The following EIF4B variants were observed in gnomAD, a reference collection of about 807,000 sequenced individuals.
EIF4B encodes the protein eukaryotic translation initiation factor 4B.
Under a neutral mutation model 79.3 loss-of-function variants are expected in EIF4B, and 8 were observed. The ratio of observed to expected loss-of-function variants is 0.10; its 90% CI spans 0.06 to 0.18. The LOEUF (loss-of-function observed/expected upper bound fraction) is 0.18, where lower values mean the gene tolerates loss of function less well. Among genes scored for constraint, EIF4B ranks in the 10% least tolerant of loss-of-function variants. The pLI, the probability that EIF4B is intolerant of heterozygous loss-of-function variation, is 1.00. For synonymous variants in EIF4B, 238 were observed against 274.7 expected, an observed-to-expected ratio of 0.87 and a Z score of 1.32; for missense variants, 515 against 792.4, an observed-to-expected ratio of 0.65 and a Z score of 4.20.
At chr12:53,013,243 A>G (rs1212536489) in intron 1 of EIF4B, among the ~76,000 whole-genome samples, 2 of 152,184 alleles carry the variant, frequency 1.3e-5, no homozygotes, top group South Asian at 4.1e-4. Context: ...CTTTTGTTGA[A>G]CTTGACCTTA....
chr12:53,038,050 G>A (rs1943568182), intron 11 of EIF4B: 1 of 278,844 alleles, frequency 3.6e-6, no homozygotes, highest in South Asian at 4.9e-5. Context: ...TTGAACCTGA[G>A]AGCGGAGGTT....
intron 8 of EIF4B, among the ~76,000 whole-genome samples, chr12:53,031,553 A>AG (rs1592225448): frequency 6.6e-6 from 1 of 152,362 alleles, no homozygotes; most frequent in East Asian, 1.9e-4. Flanking sequence ...CTGGGATTAC[A>AG]GGCGTGAGCC....
chr12:53,019,437 A>ATATATTTTTTTTCTTCT (rs1943205076), intron 3 of EIF4B, among the ~76,000 whole-genome samples: 1 of 51,008 alleles, frequency 2.0e-5, no homozygotes, highest in African/African-American at 6.6e-5. Context: ...ATATATATAT[A>ATATATTTTTTTTCTTCT]TTTTTTTTTT....
chr12:53,010,061 AG>A (rs1242544443), intron 1 of EIF4B, among the ~76,000 whole-genome samples: 3 of 152,230 alleles, frequency 2.0e-5, no homozygotes, highest in African/African-American at 7.2e-5. Flanking sequence ...TACCAAATCA[AG>A]AAGTTTAACT....
chr12:53,021,622 T>C (rs1943247938), intron 4 of EIF4B, 184 bp from the exon 5 acceptor site: 1 of 702,544 alleles, frequency 1.4e-6, no homozygotes, highest in South Asian at 1.6e-5. Flanking sequence ...CAGCTTAAAT[T>C]TGTTTAACTT....
In EIF4B at chr12:53,031,846, C is replaced by T. The variant is rs923007456; in HGVS notation, c.980-1960C>T. On this transcript the variant is annotated intron_variant, in intron 8 of 14. Transcript: ENST00000262056. ...ATTTAGAGGACAGAGTACAGCTGGT[C>T]ATGTCATCAGGAGGTTTTACCTCTT... Among the ~76,000 whole-genome samples the T allele has an allele frequency of 8.2e-4, 125 of 152,282 alleles. 1 individual carries two copies. Among genetic ancestry groups the T allele is most frequent in the African/African-American group, 2.9e-3 (120 of 41,550 alleles).
At chr12:53,029,919 G>GT (rs200386716) in intron 8 of EIF4B, among the ~76,000 whole-genome samples, 39 of 51,570 alleles carry the variant, frequency 7.6e-4, no homozygotes, top group East Asian at 6.3e-3. Context: ...TTCAATGTTT[G>GT]TTTTTTTTAA....
chr12:53,010,897 ATG>A (rs1943053450), intron 1 of EIF4B, among the ~76,000 whole-genome samples: 1 of 152,196 alleles, frequency 6.6e-6, no homozygotes, highest in South Asian at 2.1e-4. Flanking sequence ...ATTATGGAGA[ATG>A]TGGCAGAACT....
intron 1 of EIF4B, 138 bp downstream of exon 1, chr12:53,006,634 G>A: frequency 6.8e-7 from 1 of 1,468,316 alleles, no homozygotes; most frequent in Admixed American, 1.8e-5. Flanking sequence ...CTGGCGGCGT[G>A]GCCCTGTTAG....
At chr12:53,017,493 AC>A (rs1943167603) in intron 2 of EIF4B, among the ~76,000 whole-genome samples, 2 of 152,194 alleles carry the variant, frequency 1.3e-5, no homozygotes, top group South Asian at 4.1e-4. Flanking sequence ...TTTTATAATG[AC>A]CGGGTATGAC....
intron 1 of EIF4B, among the ~76,000 whole-genome samples, chr12:53,010,192 A>AGGTAGT (rs1428273832): frequency 1.3e-5 from 2 of 152,186 alleles, no homozygotes; most frequent in African/African-American, 4.8e-5. Flanking sequence ...GATAAGGAAA[A>AGGTAGT]GGTAGTATGG....
intron 11 of EIF4B, chr12:53,037,921 C>T: frequency 2.6e-6 from 1 of 391,638 alleles, no homozygotes; most frequent in Non-Finnish European, 4.6e-6. Context: ...TAGGGGGTAA[C>T]TTCCTTTCAT....
chr12:53,035,931 C>T (rs1943532846), intron 10 of EIF4B, among the ~76,000 whole-genome samples: 1 of 150,350 alleles, frequency 6.7e-6, no homozygotes, highest in African/African-American at 2.5e-5. Flanking sequence ...AATTCTCCTG[C>T]CTCAGCCTCC....
chr12:53,019,179 A>C (rs1943196412), intron 3 of EIF4B, among the ~76,000 whole-genome samples, 173 bp downstream of exon 3: 1 of 152,104 alleles, frequency 6.6e-6, no homozygotes, highest in Non-Finnish European at 1.5e-5. Flanking sequence ...CGGGTGGATC[A>C]TTTGAGGTCA....
chr12:53,023,868 C>G (rs1943291635), intron 6 of EIF4B, among the ~76,000 whole-genome samples: 1 of 152,160 alleles, frequency 6.6e-6, no homozygotes, highest in South Asian at 2.1e-4. Context: ...CAGGCATGAG[C>G]CACTGCACCT....
At chr12:53,025,270 G>A in intron 6 of EIF4B, 1 of 455,428 alleles carries the variant, frequency 2.2e-6, no homozygotes, top group Non-Finnish European at 4.4e-6. Context: ...TCAGACCAAG[G>A]GTCCTGTTTT....
intron 1 of EIF4B, among the ~76,000 whole-genome samples, chr12:53,008,950 G>C (rs1943015917): frequency 6.6e-6 from 1 of 152,074 alleles, no homozygotes; most frequent in Non-Finnish European, 1.5e-5. Flanking sequence ...CAGGAGAATC[G>C]CTTCAATCTG....
intron 1 of EIF4B, among the ~76,000 whole-genome samples, chr12:53,012,904 C>T (rs898331730): frequency 6.6e-6 from 1 of 152,210 alleles, no homozygotes; most frequent in Non-Finnish European, 1.5e-5. Context: ...CCACACCCAA[C>T]AGTAATTTCT....
At chr12:53,031,676 G>C (rs1592225528) in intron 8 of EIF4B, among the ~76,000 whole-genome samples, 1 of 152,192 alleles carries the variant, frequency 6.6e-6, no homozygotes, top group East Asian at 1.9e-4. Context: ...AATATGTTTA[G>C]GAACATATAT....
Sources: gnomAD v4.1 joint callset for allele counts (sites outside exome capture counted in the v4.1 genomes callset) on GRCh38, gnomAD v4.1.1 for gene constraint, MANE v1.5 for transcripts, NCBI Gene and HGNC (gene_info 2026-07-23, HGNC 2026-07-21) for gene names.